Variants in ZBTB16 observed in about 807,000 individuals in gnomAD.
ZBTB16 encodes zinc finger and BTB domain-containing protein 16.
In ZBTB16, 8 loss-of-function variants were observed where a neutral mutation model predicts 56.8. That is an observed-to-expected ratio of 0.14 (90% confidence interval 0.08 to 0.25). The LOEUF (loss-of-function observed/expected upper bound fraction) is 0.25, where lower values mean the gene tolerates loss of function less well. Ranked by LOEUF, ZBTB16 falls within the 10% of genes least tolerant of loss-of-function variation. ZBTB16 has a pLI of 1.00. For missense variants in ZBTB16, 625 were observed against 903.0 expected (o/e 0.69, Z 3.95); for synonymous variants, 363 against 368.5 (o/e 0.98, Z 0.17).
chr11:114,104,036 C>T (rs888320250), intron 2 of ZBTB16, among the ~76,000 whole-genome samples: 2 of 152,160 alleles, frequency 1.3e-5, no homozygotes, highest in African/African-American at 4.8e-5. Flanking sequence ...GGCCAGGGTG[C>T]CCAGTTTGAG....
intron 4 of ZBTB16, among the ~76,000 whole-genome samples, chr11:114,203,147 A>T (rs759844064): frequency 2.6e-5 from 4 of 152,214 alleles, no homozygotes; most frequent in Non-Finnish European, 5.9e-5. Flanking sequence ...ATATTGATGC[A>T]TGTTACAGCA....
At chr11:114,173,182 G>A (rs192952289) in intron 3 of ZBTB16, among the ~76,000 whole-genome samples, 73 of 152,302 alleles carry the variant, frequency 4.8e-4, no homozygotes, top group African/African-American at 1.6e-3. Flanking sequence ...AGAAGCACCC[G>A]GGCTAGAGAG....
chr11:114,099,016 A>G (rs979516068), intron 2 of ZBTB16, among the ~76,000 whole-genome samples: 5 of 152,192 alleles, frequency 3.3e-5, no homozygotes, highest in Admixed American at 6.5e-5. Context: ...AGTAAATTAC[A>G]TATTAAAGTA....
chr11:114,187,723 G>C (rs898427719), intron 4 of ZBTB16: 1 of 153,684 alleles, frequency 6.5e-6, no homozygotes, highest in Admixed American at 6.4e-5. Flanking sequence ...GGTCTGTTAG[G>C]AACCAGGCTG....
chr11:114,160,726 TA>T (rs987064504), intron 3 of ZBTB16, among the ~76,000 whole-genome samples: 1 of 152,214 alleles, frequency 6.6e-6, no homozygotes, highest in African/African-American at 2.4e-5. Context: ...ATGTGTGAAT[TA>T]ATCAAGTGTT....
intron 4 of ZBTB16, among the ~76,000 whole-genome samples, chr11:114,241,087 G>A (rs764761494): frequency 1.7e-4 from 26 of 152,144 alleles, no homozygotes; most frequent in Non-Finnish European, 2.9e-4. Context: ...TCTGGGTAAC[G>A]TCGGTCATGA....
Position 114,060,198 on chromosome 11 carries a change from C to G in ZBTB16, c.-91+316C>G, listed in dbSNP as rs1025013702. ...GGGCTGAGGGCGTGAGCAGAGGGGT[C>G]GGGGATCCGGAGGCTTTGTACCGCC... On this transcript the variant is annotated intron_variant, in intron 1 of 6. Transcript: ENST00000335953. The surrounding 1 kb of genome is among the most constrained non-coding windows in gnomAD (Gnocchi z 6.0). 2.4e-5 allele frequency: 4 copies of G among 166,332 alleles called. No homozygotes were observed. The highest frequency in any genetic ancestry group is 5.1e-5 in the Non-Finnish European group (4 of 77,878). 10.3% of individuals were successfully genotyped at this position (166,332 alleles called of 1,614,324 possible).
At chr11:114,088,507 G>A (rs1222539076) in intron 2 of ZBTB16, among the ~76,000 whole-genome samples, 1 of 152,092 alleles carries the variant, frequency 6.6e-6, no homozygotes, top group African/African-American at 2.4e-5. Context: ...TTTGTGGGCA[G>A]GACCTGGAAT....
At chr11:114,100,338 G>A (rs1489105715) in intron 2 of ZBTB16, among the ~76,000 whole-genome samples, 1 of 152,128 alleles carries the variant, frequency 6.6e-6, no homozygotes, top group African/African-American at 2.4e-5. Context: ...GGCGGCACTG[G>A]GTCAAACCCA....
intron 2 of ZBTB16, among the ~76,000 whole-genome samples, chr11:114,082,946 G>T (rs945563285): frequency 6.6e-6 from 1 of 152,164 alleles, no homozygotes; most frequent in East Asian, 1.9e-4. Context: ...GTAGCACTAC[G>T]CAATGTCTGC....
In ZBTB16 at chr11:114,148,336, G is replaced by GCTTCCTTCCTTC. The variant is rs1202157247; in HGVS notation, c.1269-7958_1269-7947dup. Among the ~76,000 whole-genome samples, 501 of 52,352 alleles carry GCTTCCTTCCTTC rather than the reference G, an allele frequency of 9.6e-3. 11 individuals are homozygous for GCTTCCTTCCTTC. The highest frequency in any genetic ancestry group is 0.026 in the Middle Eastern group (2 of 76). 34.3% of individuals were successfully genotyped at this position (52,352 alleles called of 152,430 possible). A position where few individuals can be genotyped will look rare whatever the true frequency, so the allele number is the denominator to read the frequency against. On this transcript the variant is annotated intron_variant, in intron 2 of 6. Transcript: ENST00000335953. The stretch of plus-strand genomic sequence containing the variant: ...GATGCATAGGATGCATGGCTGGCTG[G>GCTTCCTTCCTTC]CTTCCTTCCTTCCTTCCTTCCTTCC...
At chr11:114,249,941 T>C (rs903669730) in intron 6 of ZBTB16, among the ~76,000 whole-genome samples, 1 of 152,066 alleles carries the variant, frequency 6.6e-6, no homozygotes, top group African/African-American at 2.4e-5. Context: ...TGAAGAGCCA[T>C]TCCTGAGGAC....
Position 114,227,907 on chromosome 11 carries a change from C to T in ZBTB16, c.1454-14260C>T, listed in dbSNP as rs73567957. Among the ~76,000 whole-genome samples the T allele has an allele frequency of 9.5e-4, 145 of 152,292 alleles. 1 individual carries two copies. The highest frequency in any genetic ancestry group is 3.3e-3 in the African/African-American group (137 of 41,558). On this transcript the variant is annotated intron_variant, in intron 4 of 6. Coordinates refer to ENST00000335953, the MANE Select transcript of ZBTB16 (RefSeq NM_006006.6). Reference sequence around the variant, plus strand: ...TTTTAACCATTTTAAGAGGACAATTCAGTGGCATTAAATACATTAGCATTG... The same window carrying T: ...TTTTAACCATTTTAAGAGGACAATTTAGTGGCATTAAATACATTAGCATTG...
At chr11:114,069,589 T>C (rs1315625945) in intron 2 of ZBTB16, among the ~76,000 whole-genome samples, 2 of 152,190 alleles carry the variant, frequency 1.3e-5, no homozygotes, top group Non-Finnish European at 2.9e-5. Context: ...TAGTGGTTGA[T>C]CATGTAGAAG....
chr11:114,085,050 C>T (rs1216502190), intron 2 of ZBTB16, among the ~76,000 whole-genome samples: 6 of 152,146 alleles, frequency 3.9e-5, no homozygotes, highest in Non-Finnish European at 7.4e-5. Flanking sequence ...TGTGTAGTGA[C>T]CCTCAGGAAT....
chr11:114,083,713 C>T (rs538453469), intron 2 of ZBTB16, among the ~76,000 whole-genome samples: 94 of 152,280 alleles, frequency 6.2e-4, no homozygotes, highest in African/African-American at 2.2e-3. Context: ...CCCTTGGATC[C>T]CTCCACCCCC....
At chr11:114,122,636 C>G (rs900208141) in intron 2 of ZBTB16, among the ~76,000 whole-genome samples, 5 of 152,192 alleles carry the variant, frequency 3.3e-5, no homozygotes, top group African/African-American at 1.2e-4. Flanking sequence ...GTGGAATTCT[C>G]TCTCTCTTTC....
chr11:114,071,355 A>G (rs905776540), intron 2 of ZBTB16, among the ~76,000 whole-genome samples: 2 of 151,742 alleles, frequency 1.3e-5, no homozygotes, highest in African/African-American at 2.4e-5. Context: ...TTTATTTTCA[A>G]TGGAGGAAAG....
At chr11:114,234,112 C>T in intron 4 of ZBTB16, among the ~76,000 whole-genome samples, 1 of 152,232 alleles carries the variant, frequency 6.6e-6, no homozygotes, top group Admixed American at 6.5e-5. Flanking sequence ...TAACATTCCC[C>T]TTTTCTCTTG....
Sources: gnomAD v4.1 joint callset for allele counts (sites outside exome capture counted in the v4.1 genomes callset) on GRCh38, gnomAD v4.1.1 for gene constraint, Gnocchi (gnomAD v3.1) non-coding constraint, MANE v1.5 for transcripts, NCBI Gene and HGNC (gene_info 2026-07-23, HGNC 2026-07-21) for gene names.